The following GNAZ variants were observed in gnomAD, a reference collection of about 807,000 sequenced individuals.
GNAZ encodes G protein subunit alpha z.
In GNAZ, 3 loss-of-function variants were observed where a neutral mutation model predicts 25.4. The ratio of observed to expected loss-of-function variants is 0.12; its 90% CI spans 0.05 to 0.30. GNAZ has a LOEUF of 0.30. Among genes scored for constraint, GNAZ ranks in the 10% least tolerant of loss-of-function variants. The pLI is 1.00. For synonymous variants in GNAZ, 211 were observed against 205.7 expected (o/e 1.03, Z -0.22); for missense variants, 241 against 501.8 (o/e 0.48, Z 4.97).
At chr22:23,085,197 G>A (rs1392262925) in intron 1 of GNAZ, among the ~76,000 whole-genome samples, 2 of 152,192 alleles carry the variant, frequency 1.3e-5, no homozygotes, top group Admixed American at 1.3e-4. Context: ...GATGTCCTCA[G>A]CGATTCCTCA....
intron 1 of GNAZ, among the ~76,000 whole-genome samples, chr22:23,093,866 G>GA (rs1162398623): frequency 6.6e-6 from 1 of 152,150 alleles, no homozygotes; most frequent in East Asian, 1.9e-4. Flanking sequence ...CCACTGCCAG[G>GA]AGAGACCAGA....
At chr22:23,086,370 T>G (rs1002085350) in intron 1 of GNAZ, among the ~76,000 whole-genome samples, 1 of 152,206 alleles carries the variant, frequency 6.6e-6, no homozygotes, top group Non-Finnish European at 1.5e-5. Flanking sequence ...GGCCTGCTTT[T>G]AGCATGAGAT....
chr22:23,113,301 C>A (rs1266905078), intron 2 of GNAZ, among the ~76,000 whole-genome samples: 5 of 152,228 alleles, frequency 3.3e-5, no homozygotes, highest in Non-Finnish European at 5.9e-5. Flanking sequence ...AGATCTTACC[C>A]CGGCTCCCAC....
intron 1 of GNAZ, among the ~76,000 whole-genome samples, chr22:23,090,873 T>G (rs1448553135): frequency 1.3e-5 from 2 of 152,210 alleles, no homozygotes; most frequent in African/African-American, 2.4e-5. Flanking sequence ...AAATAGGGAA[T>G]AGATCTTCAT....
At chr22:23,072,856 A>G (rs2068413788) in intron 1 of GNAZ, among the ~76,000 whole-genome samples, 1 of 152,248 alleles carries the variant, frequency 6.6e-6, no homozygotes, top group South Asian at 2.1e-4. Context: ...CAGAGTGGCC[A>G]GAACCTGGTG....
Position 23,096,209 on chromosome 22 carries a change from G to A in GNAZ, c.514G>A (p.Val172Ile), listed in dbSNP as rs2069118493. 1 of 1,613,674 alleles carries A rather than the reference G, an allele frequency of 6.2e-7. No individual in the cohort carries two copies. Among genetic ancestry groups the A allele is most frequent in the Non-Finnish European group, 8.5e-7 (1 of 1,179,974 alleles). The change falls in exon 2 of 3, where the codon GTC becomes ATC. Residue 172 changes from valine to isoleucine, a missense_variant. Val to Ile is a conservative substitution (Grantham distance 29). Coordinates refer to ENST00000615612, the MANE Select transcript of GNAZ (RefSeq NM_002073.4). ...RIAAADYIPTVEDILRSRDMT... is the reference protein window; with the variant it reads ...RIAAADYIPTIEDILRSRDMT... ...CGCCGCAGCTGACTATATCCCCACT[G>A]TCGAGGACATCCTGCGCTCCCGGGA...
intron 2 of GNAZ, among the ~76,000 whole-genome samples, chr22:23,106,829 TG>T (rs1360149126): frequency 6.6e-6 from 1 of 152,152 alleles, no homozygotes; most frequent in Non-Finnish European, 1.5e-5. Flanking sequence ...TGTGGCAAAG[TG>T]GGGGCCTTCT....
At chr22:23,110,473 C>T (rs1601819763) in intron 2 of GNAZ, among the ~76,000 whole-genome samples, 2 of 152,234 alleles carry the variant, frequency 1.3e-5, no homozygotes, top group East Asian at 1.9e-4. Context: ...CCTCCCCTCT[C>T]CCCTGCCCAC....
At chr22:23,111,629 G>A (rs1476254377) in intron 2 of GNAZ, among the ~76,000 whole-genome samples, 1 of 152,260 alleles carries the variant, frequency 6.6e-6, no homozygotes, top group African/African-American at 2.4e-5. Flanking sequence ...TTTTACTGAG[G>A]CAGGAGCTGC....
At chr22:23,117,627 G>A (rs757843921) in intron 2 of GNAZ, among the ~76,000 whole-genome samples, 11 of 152,232 alleles carry the variant, frequency 7.2e-5, no homozygotes, top group Non-Finnish European at 4.4e-5. Context: ...GCCCACTGGG[G>A]TGCCAGTGGT....
chr22:23,079,712 G>T (rs1014383317), intron 1 of GNAZ, among the ~76,000 whole-genome samples: 3 of 152,216 alleles, frequency 2.0e-5, no homozygotes, highest in African/African-American at 7.2e-5. Flanking sequence ...AAACAGATGA[G>T]AGGCTGGGGC....
At chr22:23,101,800 A>G (rs2069309112) in intron 2 of GNAZ, among the ~76,000 whole-genome samples, 1 of 152,122 alleles carries the variant, frequency 6.6e-6, no homozygotes, top group Non-Finnish European at 1.5e-5. Flanking sequence ...GACAGCCCCC[A>G]TGGCAGTGCA....
chr22:23,084,274 T>C (rs1424098618), intron 1 of GNAZ, among the ~76,000 whole-genome samples: 1 of 152,224 alleles, frequency 6.6e-6, no homozygotes, highest in Non-Finnish European at 1.5e-5. Flanking sequence ...AGCCTTACTT[T>C]GAGTACTCAT....
rs1270874347 is a variant in GNAZ, at chr22:23,071,424, G to A, written c.-450+854G>A. 6.6e-6 allele frequency among the ~76,000 whole-genome samples: 1 copy of A among 152,216 alleles called. No homozygotes were observed. Among genetic ancestry groups the A allele is most frequent in the African/African-American group, 2.4e-5 (1 of 41,458 alleles). On this transcript the variant is annotated intron_variant, in intron 1 of 2. Transcript: ENST00000615612. The surrounding 1 kb of genome is among the most constrained non-coding windows in gnomAD (Gnocchi z 4.1). ...TCCGCGTAGTCCGTGTTGGGGTGGAGGGACCCGCCTGGTAGAGAGGTCTGT... is the reference window on the plus strand; with the variant it reads ...TCCGCGTAGTCCGTGTTGGGGTGGAAGGACCCGCCTGGTAGAGAGGTCTGT...
At chr22:23,103,523 G>C (rs1238305579) in intron 2 of GNAZ, among the ~76,000 whole-genome samples, 1 of 152,148 alleles carries the variant, frequency 6.6e-6, no homozygotes, top group African/African-American at 2.4e-5. Context: ...GCATCTGTTC[G>C]TGTTTACCCC....
intron 1 of GNAZ, among the ~76,000 whole-genome samples, chr22:23,080,446 T>C (rs1180081445): frequency 6.6e-6 from 1 of 152,232 alleles, no homozygotes; most frequent in Non-Finnish European, 1.5e-5. Context: ...TGGGGTTGTC[T>C]GTAGGATGGG....
intron 1 of GNAZ, among the ~76,000 whole-genome samples, chr22:23,075,744 C>G (rs2068491750): frequency 6.6e-6 from 1 of 152,218 alleles, no homozygotes; most frequent in African/African-American, 2.4e-5. Context: ...TCAGCCAGGC[C>G]TCTCATGGCC....
At chr22:23,077,605 A>G (rs1386561245) in intron 1 of GNAZ, among the ~76,000 whole-genome samples, 1 of 152,084 alleles carries the variant, frequency 6.6e-6, no homozygotes, top group African/African-American at 2.4e-5. Context: ...TGGGGTCAGC[A>G]AGGGAGGAGG....
chr22:23,072,411 G>A (rs1038654785), intron 1 of GNAZ, among the ~76,000 whole-genome samples: 3 of 152,220 alleles, frequency 2.0e-5, no homozygotes, highest in Admixed American at 6.5e-5. Context: ...GTCTTCCTGT[G>A]TGTTCCTCTA....
Sources: gnomAD v4.1 joint callset for allele counts (sites outside exome capture counted in the v4.1 genomes callset) on GRCh38, gnomAD v4.1.1 for gene constraint, Gnocchi (gnomAD v3.1) non-coding constraint, MANE v1.5 for transcripts, NCBI Gene and HGNC (gene_info 2026-07-23, HGNC 2026-07-21) for gene names.